CAMTA1: variants seen among roughly 807,000 people sequenced by gnomAD.
CAMTA1 encodes the protein calmodulin-binding transcription activator 1.
CAMTA1 carries 27 observed loss-of-function variants against 170.9 expected under a neutral mutation model. The observed-to-expected ratio is 0.16, with a 90% CI of 0.12 to 0.22. The LOEUF (loss-of-function observed/expected upper bound fraction) is 0.22. Ranked by LOEUF, CAMTA1 falls within the 10% of genes least tolerant of loss-of-function variation. CAMTA1 has a pLI of 1.00. For missense variants in CAMTA1, 1,619 were observed against 2,217.2 expected, an observed-to-expected ratio of 0.73 and a Z score of 5.42; for synonymous variants, 833 against 891.5, an observed-to-expected ratio of 0.93 and a Z score of 1.17.
At chr1:7,002,912 T>C (rs1393299070) in intron 3 of CAMTA1, among the ~76,000 whole-genome samples, 6 of 152,116 alleles carry the variant, frequency 3.9e-5, no homozygotes, top group Admixed American at 2.6e-4. Flanking sequence ...AAACCTGTAA[T>C]GGCCAGCATT....
intron 6 of CAMTA1, among the ~76,000 whole-genome samples, chr1:7,501,753 C>G (rs1376589005): frequency 2.0e-5 from 3 of 152,230 alleles, no homozygotes; most frequent in Admixed American, 1.3e-4. Context: ...GGGTTTTCCT[C>G]TTTGTGCCAC....
intron 5 of CAMTA1, among the ~76,000 whole-genome samples, chr1:7,290,922 G>T (rs928481074): frequency 2.0e-5 from 3 of 152,022 alleles, no homozygotes; most frequent in Non-Finnish European, 4.4e-5. Flanking sequence ...GGGGGCTCCT[G>T]GGGGGGTGAA....
At chr1:7,713,217 C>A (rs2096584705) in intron 11 of CAMTA1, among the ~76,000 whole-genome samples, 1 of 152,306 alleles carries the variant, frequency 6.6e-6, no homozygotes, top group Non-Finnish European at 1.5e-5. Flanking sequence ...CCACACTGAT[C>A]TCTGGTTGGC....
At position 7,064,133 on chromosome 1, in the gene CAMTA1, C is replaced by G. The variant is rs931810241; in HGVS notation, c.235-27171C>G. 6.6e-6 allele frequency among the ~76,000 whole-genome samples: 1 copy of G among 151,120 alleles called. No homozygotes were observed. The highest frequency in any genetic ancestry group is 1.5e-5 in the Non-Finnish European group (1 of 67,740). On this transcript the variant is annotated intron_variant, in intron 3 of 22. Coordinates refer to ENST00000303635, the MANE Select transcript of CAMTA1 (RefSeq NM_015215.4). This position sits in a 1 kb window ranked among gnomAD's most constrained non-coding sequence, Gnocchi z 5.4. ...TTCCCTCCTCCTCCTTCTTCTTCTCCTCCTCCTCCTTCTCTTCTTCCCTCC... is the reference window on the plus strand; with the variant it reads ...TTCCCTCCTCCTCCTTCTTCTTCTCGTCCTCCTCCTTCTCTTCTTCCCTCC...
chr1:6,937,456 C>T (rs1037788455), intron 3 of CAMTA1, among the ~76,000 whole-genome samples: 1 of 123,598 alleles, frequency 8.1e-6, no homozygotes. Flanking sequence ...CATCATCATT[C>T]ACCACTTACC....
chr1:7,703,587 G>A (rs2096466159), intron 11 of CAMTA1, among the ~76,000 whole-genome samples: 1 of 152,164 alleles, frequency 6.6e-6, no homozygotes, highest in South Asian at 2.1e-4. Flanking sequence ...GTGTGCGTTT[G>A]GGTAGGGTCA....
At chr1:6,878,333 G>C (rs1670514450) in intron 3 of CAMTA1, among the ~76,000 whole-genome samples, 1 of 152,234 alleles carries the variant, frequency 6.6e-6, no homozygotes, top group Admixed American at 6.5e-5. Flanking sequence ...TAAGCCTCAA[G>C]TCAAGGGCAT....
At chr1:7,310,646 T>TTCTTTCTTTCTTTCTTTC (rs1429082784) in intron 5 of CAMTA1, among the ~76,000 whole-genome samples, 3 of 30,220 alleles carry the variant, frequency 9.9e-5, no homozygotes, top group Admixed American at 4.0e-4. Flanking sequence ...CTTTCTTTCT[T>TTCTTTCTTTCTTTCTTTC]TTTTCTTTCT....
chr1:7,383,073 G>C (rs1246822399), intron 5 of CAMTA1, among the ~76,000 whole-genome samples: 1 of 152,148 alleles, frequency 6.6e-6, no homozygotes, highest in Non-Finnish European at 1.5e-5. Context: ...CGTTCTATGT[G>C]GGAAGAAGTA....
intron 5 of CAMTA1, among the ~76,000 whole-genome samples, chr1:7,270,176 T>A (rs1230386259): frequency 1.3e-5 from 2 of 150,620 alleles, no homozygotes; most frequent in African/African-American, 2.4e-5. Flanking sequence ...TGCTAGCAGA[T>A]CTATACTACA....
At chr1:7,478,923 C>G (rs1175035926) in intron 6 of CAMTA1, among the ~76,000 whole-genome samples, 1 of 152,200 alleles carries the variant, frequency 6.6e-6, no homozygotes, top group African/African-American at 2.4e-5. Context: ...AAGCAAAAGA[C>G]AAAACTTTGC....
chr1:6,808,487 T>C (rs916493339), intron 1 of CAMTA1, among the ~76,000 whole-genome samples: 1 of 152,210 alleles, frequency 6.6e-6, no homozygotes, highest in Non-Finnish European at 1.5e-5. Flanking sequence ...ACTTTCTGTG[T>C]CTTCTGTGTT....
chr1:6,942,969 C>T (rs1000996142), intron 3 of CAMTA1, among the ~76,000 whole-genome samples: 2 of 152,196 alleles, frequency 1.3e-5, no homozygotes, highest in African/African-American at 4.8e-5. Context: ...AACGAGAACA[C>T]GAATGCAGAG....
intron 5 of CAMTA1, among the ~76,000 whole-genome samples, chr1:7,346,089 C>T (rs2084197139): frequency 6.6e-6 from 1 of 152,162 alleles, no homozygotes; most frequent in African/African-American, 2.4e-5. Context: ...ATCAGTTGGG[C>T]TCACTTTTAG....
intron 4 of CAMTA1, among the ~76,000 whole-genome samples, chr1:7,139,154 T>C (rs1020344994): frequency 5.1e-5 from 7 of 138,224 alleles, no homozygotes; most frequent in African/African-American, 1.8e-4. Flanking sequence ...AATATATAAA[T>C]ATAAATATAT....
intron 3 of CAMTA1, among the ~76,000 whole-genome samples, chr1:7,004,468 A>C (rs1363911441): frequency 6.6e-6 from 1 of 152,090 alleles, no homozygotes; most frequent in Non-Finnish European, 1.5e-5. Context: ...TTATTGCTAG[A>C]ATGTTCTCAT....
At chr1:6,797,638 C>T (rs775745064) in intron 1 of CAMTA1, among the ~76,000 whole-genome samples, 11 of 152,038 alleles carry the variant, frequency 7.2e-5, no homozygotes, top group Non-Finnish European at 8.8e-5. Context: ...CTGCCTGCCT[C>T]TGCCTCCCAA....
At chr1:7,190,774 A>C (rs1364280023) in intron 4 of CAMTA1, among the ~76,000 whole-genome samples, 1 of 152,220 alleles carries the variant, frequency 6.6e-6, no homozygotes, top group Non-Finnish European at 1.5e-5. Flanking sequence ...GCATTATTCT[A>C]ATGCGTACTG....
chr1:6,947,797 A>T (rs1472557443), intron 3 of CAMTA1, among the ~76,000 whole-genome samples: 2 of 151,996 alleles, frequency 1.3e-5, no homozygotes, highest in African/African-American at 2.4e-5. Flanking sequence ...AGATGGAATT[A>T]TTTTCTTAAT....
Sources: gnomAD v4.1 joint callset for allele counts (sites outside exome capture counted in the v4.1 genomes callset) on GRCh38, gnomAD v4.1.1 for gene constraint, Gnocchi (gnomAD v3.1) non-coding constraint, MANE v1.5 for transcripts, NCBI Gene and HGNC (gene_info 2026-07-23, HGNC 2026-07-21) for gene names.